Variants in AP5S1 observed in about 807,000 individuals in gnomAD.
AP5S1 encodes the protein AP-5 complex subunit sigma-1.
A neutral mutation model predicts 13.9 loss-of-function variants in AP5S1; 13 were observed. The ratio of observed to expected loss-of-function variants is 0.94; its 90% CI spans 0.61 to 1.49. The LOEUF is 1.49. Among genes scored for constraint, AP5S1 ranks in the 40% most tolerant of loss-of-function variants. The pLI is 0.00. For missense variants in AP5S1, 292 were observed against 272.3 expected, an observed-to-expected ratio of 1.07 and a Z score of -0.51; for synonymous variants, 132 against 121.8, an observed-to-expected ratio of 1.08 and a Z score of -0.55.
Position 3,823,892 on chromosome 20 carries a change from G to C in AP5S1, c.198G>C (p.Arg66=), listed in dbSNP as rs1455584901. Residue 66 remains arginine, a synonymous_variant, in exon 3 of 3, where the codon CGG becomes CGC. Coordinates refer to ENST00000615891, the MANE Select transcript of AP5S1 (RefSeq NM_018347.3). The part of the protein sequence containing the change: ...AVARQVESMC[R]LQQQASGRPP... The stretch of plus-strand genomic sequence containing the variant: ...CCAGGCAGGTAGAGTCAATGTGTCG[G>C]CTGCAGCAGCAGGCATCTGGCCGGC... 2.5e-6 allele frequency: 4 copies of C among 1,601,174 alleles called. No homozygotes were observed. The highest frequency in any genetic ancestry group is 1.7e-5 in the Admixed American group (1 of 59,984).
In AP5S1 at chr20:3,821,522, C is replaced by T. The variant is rs2089581144; in HGVS notation, c.-16-580C>T. On this transcript the variant is annotated intron_variant, in intron 1 of 2. Transcript: ENST00000615891. Reference sequence around the variant, plus strand: ...AAGTAGCTGGGGTTACAACCATGCGCCACCATGCCCGGCTAATTTATTTTT... The same window carrying T: ...AAGTAGCTGGGGTTACAACCATGCGTCACCATGCCCGGCTAATTTATTTTT... Among the ~76,000 whole-genome samples the T allele has an allele frequency of 4.6e-5, 7 of 152,218 alleles. No homozygotes were observed. The South Asian group carries it at 1.2e-3, about 27-fold the overall frequency.
Position 3,824,283 on chromosome 20 carries a change from G to T in AP5S1, c.589G>T (p.Ala197Ser), listed in dbSNP as rs777244137. 8 of 1,611,988 alleles carry T rather than the reference G, an allele frequency of 5.0e-6. No individual in the cohort carries two copies. The highest frequency in any genetic ancestry group is 1.1e-5 in the South Asian group (1 of 90,876). ...AGGCCTGGAGAAGGAATTCAGTGCC[G>T]CTTGGCCCCGCTGATTCCTCGTTGG... ...VQGLEKEFSA[A>S]WPR Residue 197 changes from alanine (A) to serine (S), a missense_variant, in exon 3 of 3, where the codon GCT becomes TCT. Transcript: ENST00000615891.
intron 1 of AP5S1, 73 bp from the exon 2 acceptor site, chr20:3,822,029 C>T: frequency 6.6e-7 from 1 of 1,521,412 alleles, no homozygotes; most frequent in Non-Finnish European, 8.8e-7. Flanking sequence ...ACTGCCAGGT[C>T]AGCCCCTTCC....
chr20:3,822,170 C>T lies in AP5S1; in HGVS notation c.53C>T (p.Thr18Met), dbSNP rs369706147. The change falls in exon 2 of 3, where the codon ACG (threonine) becomes ATG (methionine). Residue 18 changes from threonine to methionine, a missense_variant. Physicochemically the swap from Thr to Met is moderately conservative, Grantham distance 81. Coordinates refer to ENST00000615891, the MANE Select transcript of AP5S1 (RefSeq NM_018347.3). ...TTGAGGGCCCCGAATACTGAGGACA[C>T]GGGCCTTTGCCGAGTGCTGTACTCC... is the stretch of plus-strand genomic sequence containing the variant. ...HTLRAPNTED[T>M]GLCRVLYSCV... 3.5e-5 allele frequency: 57 copies of T among 1,614,062 alleles called. No homozygotes were observed. The highest frequency in any genetic ancestry group is 9.3e-5 in the African/African-American group (7 of 74,922).
chr20:3,822,871 T>C (rs2089594436), intron 2 of AP5S1, among the ~76,000 whole-genome samples: 1 of 152,192 alleles, frequency 6.6e-6, no homozygotes, highest in Non-Finnish European at 1.5e-5. Flanking sequence ...GTTTGGAATA[T>C]ACTGTTCCAG....
intron 2 of AP5S1, among the ~76,000 whole-genome samples, chr20:3,823,360 T>A (rs1320064125): frequency 6.6e-6 from 1 of 152,206 alleles, no homozygotes; most frequent in African/African-American, 2.4e-5. Context: ...GCCATTCTCC[T>A]GCCTCAGCCT....
Position 3,821,235 on chromosome 20 carries a change from A to G in AP5S1, c.-17+477A>G, listed in dbSNP as rs186016514. Reference sequence around the variant, plus strand: ...GAGGCCCATCCGTGTTTATTTTCTAAAAACAAGGACGAGCTCCTGCATTCA... The same window carrying G: ...GAGGCCCATCCGTGTTTATTTTCTAGAAACAAGGACGAGCTCCTGCATTCA... On this transcript the variant is annotated intron_variant, in intron 1 of 2. Transcript: ENST00000615891. Among the ~76,000 whole-genome samples the G allele has an allele frequency of 2.0e-3, 301 of 152,234 alleles. 2 individuals are homozygous for G. The highest frequency in any genetic ancestry group is 6.7e-3 in the African/African-American group (280 of 41,516).
chr20:3,821,982 T>C (rs2089585857), intron 1 of AP5S1, 120 bp from the exon 2 acceptor site: 2 of 1,406,576 alleles, frequency 1.4e-6, no homozygotes, highest in Non-Finnish European at 1.9e-6. Flanking sequence ...TTATTCAAAG[T>C]GTTCAGCCTC....
In AP5S1 at chr20:3,828,066, TC is replaced by T. The variant is rs2089634952; in HGVS notation, c.*3770del. On this transcript the variant is annotated 3_prime_UTR_variant, in exon 3 of 3. Coordinates refer to ENST00000615891, the MANE Select transcript of AP5S1 (RefSeq NM_018347.3). ...TGTGAGCCACCATGCCTGGCCTCAA[TC>T]TTTTCTTTTAAACAATTATTCCTAT... is the stretch of plus-strand genomic sequence containing the variant. 6.6e-6 allele frequency: 1 copy of T among 152,162 alleles called. No homozygotes were observed. Among genetic ancestry groups the T allele is most frequent in the Non-Finnish European group, 1.5e-5 (1 of 68,032 alleles). 9.4% of individuals were successfully genotyped at this position (152,162 alleles called of 1,614,324 possible).
At chr20:3,821,014 T>C (rs1166078708) in intron 1 of AP5S1, among the ~76,000 whole-genome samples, 1 of 152,268 alleles carries the variant, frequency 6.6e-6, no homozygotes, top group East Asian at 1.9e-4. Context: ...GCCAGCCAGA[T>C]AACCATTACT....
Position 3,823,925 on chromosome 20 carries a change from G to A in AP5S1, c.231G>A (p.Met77Ile), listed in dbSNP as rs138798757. 748 of 1,604,914 alleles carry A rather than the reference G, an allele frequency of 4.7e-4. 1 individual carries two copies. Among genetic ancestry groups the A allele is most frequent in the Admixed American group, 6.2e-4 (37 of 60,012 alleles). The change falls in exon 3 of 3, where the codon ATG becomes ATA. Residue 77 changes from methionine to isoleucine, a missense_variant. Transcript: ENST00000615891. The stretch of plus-strand genomic sequence containing the variant: ...AGCAGGCATCTGGCCGGCCCCCCAT[G>A]GACCTGCAGCCGCAATCCTCAGATG... Reference protein sequence around the residue: ...LQQQASGRPPMDLQPQSSDEQ... With the variant: ...LQQQASGRPPIDLQPQSSDEQ...
rs2089607903 is a variant in AP5S1 at position 3,824,190 on chromosome 20, A to C, written c.496A>C (p.Ile166Leu). ...STSLLLRADR[I>L]EGILTRFLPH... The stretch of plus-strand genomic sequence containing the variant: ...CAGCCTTCTGCTGCGGGCTGACCGC[A>C]TTGAGGGCATCCTCACCCGCTTCCT... The change falls in exon 3 of 3, where the codon ATT becomes CTT. Residue 166 changes from isoleucine (I) to leucine (L), a missense_variant. Ile to Leu is a conservative substitution (Grantham distance 5). Transcript: ENST00000615891. The C allele has an allele frequency of 6.2e-7, 1 of 1,614,158 alleles. No individual in the cohort carries two copies. The highest frequency in any genetic ancestry group is 8.5e-7 in the Non-Finnish European group (1 of 1,180,032).
rs1190059136 is a variant in AP5S1, at chr20:3,825,926, A to G, written c.*1629A>G. 2.4e-5 allele frequency: 3 copies of G among 127,306 alleles called. No homozygotes were observed. The highest frequency in any genetic ancestry group is 9.1e-5 in the African/African-American group (3 of 33,040). The allele number at this position is 127,306 out of a possible 1,614,324, so 7.9% of individuals were successfully genotyped here. On this transcript the variant is annotated 3_prime_UTR_variant, in exon 3 of 3. Transcript: ENST00000615891. ...AAAGTCGGTGGTTAGGAGGTCTTCAATCAGCAGCTTCTAGTGAAGGTTTAA... is the reference window on the plus strand; with the variant it reads ...AAAGTCGGTGGTTAGGAGGTCTTCAGTCAGCAGCTTCTAGTGAAGGTTTAA...
In AP5S1 at chr20:3,824,245, A is replaced by ACCAG. The variant is rs1207477310; in HGVS notation, c.552_555dup (p.Phe186ProfsTer48). 6.2e-7 allele frequency: 1 copy of ACCAG among 1,614,020 alleles called. No homozygotes were observed. Among genetic ancestry groups the ACCAG allele is most frequent in the Admixed American group, 1.7e-5 (1 of 60,018 alleles). ...CATGGTCAGCTGCTTTTCCTCAACG[A>ACCAG]CCAGTTTGTCCAAGGCCTGGAGAAG... On this transcript the variant is annotated frameshift_variant, in exon 3 of 3. Coordinates refer to ENST00000615891, the MANE Select transcript of AP5S1 (RefSeq NM_018347.3). LOFTEE classifies it high-confidence loss of function.
Position 3,825,798 on chromosome 20 carries a change from C to T in AP5S1, c.*1501C>T, listed in dbSNP as rs952006471. ...TTACAGGTTGATCCCAGGGTGCATA[C>T]ATTCCCTGGCTCTTTCTGCCCCTGA... On this transcript the variant is annotated 3_prime_UTR_variant, in exon 3 of 3. Transcript: ENST00000615891. 2 of 151,994 alleles carry T rather than the reference C, an allele frequency of 1.3e-5. No homozygotes were observed. Among genetic ancestry groups the T allele is most frequent in the African/African-American group, 2.4e-5 (1 of 41,360 alleles). 9.4% of individuals were successfully genotyped at this position (151,994 alleles called of 1,614,324 possible).
chr20:3,823,404 A>G, intron 2 of AP5S1: 1 of 387,362 alleles, frequency 2.6e-6, no homozygotes, highest in Non-Finnish European at 3.5e-6. Context: ...GCCCGCCACC[A>G]CGCCTGGCTA....
At chr20:3,822,367 G>T in intron 2 of AP5S1, 74 bp downstream of exon 2, 1 of 1,463,812 alleles carries the variant, frequency 6.8e-7, no homozygotes. Context: ...GGGGAGTGGG[G>T]ACGCAGAGAA....
At chr20:3,821,893 T>C in intron 1 of AP5S1, 2 of 964,218 alleles carry the variant, frequency 2.1e-6, no homozygotes, top group Non-Finnish European at 2.5e-6. Flanking sequence ...TTTTTTTTTT[T>C]AGTTTATGCC....
chr20:3,820,570 A>G lies in AP5S1; in HGVS notation c.-205A>G, dbSNP rs955289588. On this transcript the variant is annotated 5_prime_UTR_variant, in exon 1 of 3. Transcript: ENST00000615891. ...GCGCAGCCGCCATTGCTCTCCTGCCACGGAGGGGAGCGCTTGGTGGCAGTC... is the reference window on the plus strand; with the variant it reads ...GCGCAGCCGCCATTGCTCTCCTGCCGCGGAGGGGAGCGCTTGGTGGCAGTC... 6 of 152,232 alleles carry G rather than the reference A, an allele frequency of 3.9e-5. No homozygotes were observed. Among genetic ancestry groups the G allele is most frequent in the South Asian group, 4.1e-4 (2 of 4,824 alleles). 9.4% of individuals were successfully genotyped at this position (152,232 alleles called of 1,614,324 possible).
Sources: allele counts gnomAD v4.1 joint callset (sites outside exome capture counted in the v4.1 genomes callset), GRCh38; gene constraint gnomAD v4.1.1; transcripts MANE v1.5; gene names NCBI Gene and HGNC (gene_info 2026-07-23, HGNC 2026-07-21).